STX6: variants seen among roughly 807,000 people sequenced by gnomAD.
The protein encoded by STX6 is syntaxin-6.
STX6 carries 23 observed loss-of-function variants against 38.0 expected under a neutral mutation model. The observed-to-expected ratio is 0.60, with a 90% CI of 0.43 to 0.86. The LOEUF (loss-of-function observed/expected upper bound fraction) is 0.86. Ranked by LOEUF, STX6 falls within the 40% of genes least tolerant of loss-of-function variation. STX6 has a pLI of 0.00. For synonymous variants in STX6, 123 were observed against 107.5 expected (o/e 1.14, Z -0.89); for missense variants, 274 against 312.9 (o/e 0.88, Z 0.94).
intron 3 of STX6, among the ~76,000 whole-genome samples, chr1:180,993,653 A>C (rs1655818750): frequency 6.6e-6 from 1 of 151,504 alleles, no homozygotes; most frequent in African/African-American, 2.4e-5. Context: ...GGAAAGAGAA[A>C]GGAATTAACA....
In STX6 at chr1:180,990,211, G is replaced by C; in HGVS notation, c.364-102C>G. On this transcript the variant is annotated intron_variant, in intron 4 of 7. Coordinates refer to ENST00000258301, the MANE Select transcript of STX6 (RefSeq NM_005819.6). The stretch of plus-strand genomic sequence containing the variant: ...GATATAAAGAGTTTTCACATTTCTT[G>C]TCTATTTTCCCCTGGGCAAGGCTTT... The C allele has an allele frequency of 2.1e-6, 3 of 1,462,352 alleles. No homozygotes were observed. In the South Asian group the frequency reaches 3.8e-5, roughly 19 times the overall value. 90.6% of individuals were successfully genotyped at this position (1,462,352 alleles called of 1,614,324 possible).
intron 3 of STX6, among the ~76,000 whole-genome samples, chr1:180,995,176 T>C (rs1290701641): frequency 1.3e-5 from 2 of 152,090 alleles, no homozygotes; most frequent in Non-Finnish European, 2.9e-5. Flanking sequence ...TTGGCCAGGA[T>C]GGTCTCGATC....
At position 180,984,147 on chromosome 1, in the gene STX6, C is replaced by G. The variant is rs944868871; in HGVS notation, c.691+530G>C. Among the ~76,000 whole-genome samples the G allele has an allele frequency of 4.0e-5, 6 of 148,242 alleles. No individual in the cohort carries two copies. The South Asian group carries it at 1.3e-3, about 31-fold the overall frequency. On this transcript the variant is annotated intron_variant, in intron 7 of 7. Transcript: ENST00000258301. ...CCAAACACGGTGGGGGATCACAAAGCCTTAACTTTTCCCAAGTTAAAGCTA... is the reference window on the plus strand; with the variant it reads ...CCAAACACGGTGGGGGATCACAAAGGCTTAACTTTTCCCAAGTTAAAGCTA...
At chr1:180,989,601 T>A (rs1332569599) in intron 5 of STX6, among the ~76,000 whole-genome samples, 1 of 152,192 alleles carries the variant, frequency 6.6e-6, no homozygotes, top group East Asian at 1.9e-4. Context: ...CTGTTTTTTC[T>A]AAGAGAACTA....
At chr1:181,009,468 T>TA (rs1656330968) in intron 1 of STX6, among the ~76,000 whole-genome samples, 1 of 94,820 alleles carries the variant, frequency 1.1e-5, no homozygotes, top group Non-Finnish European at 2.1e-5. Flanking sequence ...GACTGTTGTT[T>TA]CCAAAAAAAA....
intron 1 of STX6, among the ~76,000 whole-genome samples, chr1:181,008,646 T>C (rs1656298928): frequency 6.6e-6 from 1 of 151,706 alleles, no homozygotes; most frequent in Non-Finnish European, 1.5e-5. Context: ...TATTTGTTAT[T>C]ATCACCACCA....
At chr1:181,004,863 C>T (rs1042036662) in intron 2 of STX6, among the ~76,000 whole-genome samples, 6 of 151,626 alleles carry the variant, frequency 4.0e-5, no homozygotes, top group African/African-American at 1.5e-4. Context: ...TGGGACTGAG[C>T]TCTTAACCTG....
At chr1:180,981,394 C>T (rs1225549736) in intron 7 of STX6, among the ~76,000 whole-genome samples, 4 of 152,172 alleles carry the variant, frequency 2.6e-5, no homozygotes, top group Non-Finnish European at 4.4e-5. Flanking sequence ...TTTAAAACCA[C>T]TTTGCTAAAA....
At position 180,975,056 on chromosome 1, in the gene STX6, C is replaced by A. The variant is rs1655210317; in HGVS notation, c.*1514G>T. 6.6e-6 allele frequency: 1 copy of A among 152,304 alleles called. No individual in the cohort carries two copies. Among genetic ancestry groups the A allele is most frequent in the African/African-American group, 2.4e-5 (1 of 41,324 alleles). The allele number at this position is 152,304 out of a possible 1,614,324, so 9.4% of individuals were successfully genotyped here. A position where few individuals can be genotyped will look rare whatever the true frequency, so the allele number is the denominator to read the frequency against. Reference sequence around the variant, plus strand: ...AAATCACAAAAAAGGGTGAAAAAACCAAAACCCCCAAATAAAACCACATGA... The same window carrying A: ...AAATCACAAAAAAGGGTGAAAAAACAAAAACCCCCAAATAAAACCACATGA... On this transcript the variant is annotated 3_prime_UTR_variant, in exon 8 of 8. Transcript: ENST00000258301.
intron 1 of STX6, among the ~76,000 whole-genome samples, chr1:181,021,478 T>C (rs931646031): frequency 4.6e-5 from 7 of 152,148 alleles, no homozygotes; most frequent in Admixed American, 6.5e-5. Flanking sequence ...AAAATACCAT[T>C]TAAATTTTCT....
chr1:180,984,756 GA>G lies in STX6; in HGVS notation c.611del (p.Phe204SerfsTer15), dbSNP rs769418434. 6.3e-7 allele frequency: 1 copy of G among 1,577,822 alleles called. No homozygotes were observed. Among genetic ancestry groups the G allele is most frequent in the South Asian group, 1.1e-5 (1 of 90,238 alleles). On this transcript the variant is annotated frameshift_variant, in exon 7 of 8. Coordinates refer to ENST00000258301, the MANE Select transcript of STX6 (RefSeq NM_005819.6). LOFTEE classifies it high-confidence loss of function. ...ACTGAGTGCTCTCCAATTCGTGAGA[GA>G]AATCTTCCAACATACTAGAGAGAAG... ...LEEQAVMLED[F>X]SHELESTQSR...
At chr1:181,007,865 T>A (rs1656272835) in intron 1 of STX6, among the ~76,000 whole-genome samples, 1 of 152,254 alleles carries the variant, frequency 6.6e-6, no homozygotes, top group South Asian at 2.1e-4. Context: ...GTTTTTATTT[T>A]AAAAATTCTA....
chr1:180,986,113 C>T (rs573072825), intron 6 of STX6, among the ~76,000 whole-genome samples: 1 of 152,378 alleles, frequency 6.6e-6, no homozygotes, highest in East Asian at 1.9e-4. Flanking sequence ...ACTTTTCATA[C>T]TGAAGACAAA....
intron 1 of STX6, among the ~76,000 whole-genome samples, chr1:181,007,723 A>C (rs193158657): frequency 6.6e-4 from 101 of 152,310 alleles, no homozygotes; most frequent in African/African-American, 2.2e-3. Flanking sequence ...GAACTCTTCA[A>C]AATTACTGAA....
At chr1:181,008,638 T>C (rs1656298743) in intron 1 of STX6, among the ~76,000 whole-genome samples, 1 of 152,074 alleles carries the variant, frequency 6.6e-6, no homozygotes, top group Admixed American at 6.6e-5. Context: ...CAAAATCATA[T>C]TTGTTATTAT....
intron 2 of STX6, 35 bp from the exon 3 acceptor site, chr1:181,002,735 A>T: frequency 1.4e-6 from 2 of 1,411,672 alleles, no homozygotes; most frequent in African/African-American, 2.8e-5. Context: ...CAATTTCATC[A>T]TCAAAGCCTG....
At position 180,988,194 on chromosome 1, in the gene STX6, T is replaced by C. The variant is rs139556759; in HGVS notation, c.596+45A>G. 6.3e-5 allele frequency: 90 copies of C among 1,435,058 alleles called. No individual in the cohort carries two copies. In the African/African-American group the frequency reaches 1.1e-3, roughly 17 times the overall value. The allele number at this position is 1,435,058 out of a possible 1,614,324, so 88.9% of individuals were successfully genotyped here. ...TTTTAGGGGTGTCATAGGATGGCTC[T>C]GCCCCTCAATTTCACTGAAGCGAGA... On this transcript the variant is annotated intron_variant, in intron 6 of 7. Transcript: ENST00000258301.
chr1:180,983,632 AG>A (rs1360349156), intron 7 of STX6, among the ~76,000 whole-genome samples: 1 of 152,326 alleles, frequency 6.6e-6, no homozygotes, highest in East Asian at 1.9e-4. Context: ...CTGAAGTAGT[AG>A]GTATTTTTCT....
Position 180,984,726 on chromosome 1 carries a change from C to T in STX6, c.642G>A (p.Arg214=). 1 of 1,599,276 alleles carries T rather than the reference C, an allele frequency of 6.3e-7. No individual in the cohort carries two copies. The highest frequency in any genetic ancestry group is 8.6e-7 in the Non-Finnish European group (1 of 1,166,764). ...CAAGTTTCTTCATCACATTGTCCAG[C>T]CGGGACTGAGTGCTCTCCAATTCGT... ...FSHELESTQS[R]LDNVMKKLAK... is the part of the protein sequence containing the mutation. The change falls in exon 7 of 8, where the codon CGG becomes CGA. Residue 214 remains arginine (R), a synonymous_variant. Coordinates refer to ENST00000258301, the MANE Select transcript of STX6 (RefSeq NM_005819.6).
Sources: gnomAD v4.1 joint callset for allele counts (sites outside exome capture counted in the v4.1 genomes callset) on GRCh38, gnomAD v4.1.1 for gene constraint, MANE v1.5 for transcripts, NCBI Gene and HGNC (gene_info 2026-07-23, HGNC 2026-07-21) for gene names.